Variants in PCYT1B observed in about 807,000 individuals in gnomAD.
The protein encoded by PCYT1B is choline-phosphate cytidylyltransferase B.
Under a neutral mutation model 26.4 loss-of-function variants are expected in PCYT1B, and 10 were observed. The ratio of observed to expected loss-of-function variants is 0.38; its 90% CI spans 0.23 to 0.64. The LOEUF is 0.64. Ranked by LOEUF, PCYT1B falls within the 30% of genes least tolerant of loss-of-function variation. The pLI is 0.56. For synonymous variants in PCYT1B, 131 were observed against 108.4 expected (o/e 1.21, Z -1.29); for missense variants, 161 against 292.7 (o/e 0.55, Z 3.28).
At chrX:24,661,186 T>C (rs956151584) in intron 1 of PCYT1B, among the ~76,000 whole-genome samples, 1 of 112,192 alleles carries the variant, frequency 8.9e-6, no homozygotes, top group African/African-American at 3.2e-5. Flanking sequence ...CATGAGTTCA[T>C]AATACTATCA....
rs780474525 is a variant in PCYT1B at position 24,655,425 on chromosome X, A to G, written c.63+17145T>C. Among the ~76,000 whole-genome samples, 14 of 112,400 alleles carry G rather than the reference A, an allele frequency of 1.2e-4. No homozygotes were observed. In the South Asian group the frequency reaches 5.1e-3, roughly 41 times the overall value. On this transcript the variant is annotated intron_variant, in intron 1 of 7. Coordinates refer to the PCYT1B transcript ENST00000379145. ...TACTTTTATTCATTCAGTTCATTTC[A>G]TATTTGTGCAACCGTGGATTTGGAC...
intron 5 of PCYT1B, among the ~76,000 whole-genome samples, chrX:24,583,689 C>T (rs142309697): frequency 8.9e-6 from 1 of 111,878 alleles, no homozygotes; most frequent in Non-Finnish European, 1.9e-5. Context: ...AAAACTGCCA[C>T]CAAATGCTTA....
At chrX:24,597,128 CTT>C (rs770072722) in intron 3 of PCYT1B, among the ~76,000 whole-genome samples, 5 of 101,178 alleles carry the variant, frequency 4.9e-5, no homozygotes, top group Admixed American at 1.1e-4. Context: ...TTTTTCTTTT[CTT>C]TTTTTTTTTT....
intron 1 of PCYT1B, among the ~76,000 whole-genome samples, chrX:24,664,272 C>G (rs979612744): frequency 2.3e-4 from 26 of 111,684 alleles, no homozygotes; most frequent in Admixed American, 7.6e-4. Context: ...CTTGATGAAC[C>G]TTTCCTGGGT....
At chrX:24,621,303 T>C (rs1925694365) in intron 1 of PCYT1B, among the ~76,000 whole-genome samples, 1 of 111,375 alleles carries the variant, frequency 9.0e-6, no homozygotes, top group African/African-American at 3.3e-5. Context: ...GGGCTATTCA[T>C]TTTGCAAGGC....
chrX:24,568,067 C>T (rs372554580), intron 7 of PCYT1B, among the ~76,000 whole-genome samples: 1 of 111,993 alleles, frequency 8.9e-6, no homozygotes, highest in African/African-American at 3.2e-5. Context: ...GTTTATCTGC[C>T]GAAAAGAAAT....
Position 24,559,663 on chromosome X carries a change from C to T in PCYT1B, c.*2630G>A, listed in dbSNP as rs913077983. 9.0e-6 allele frequency: 1 copy of T among 111,319 alleles called. No individual in the cohort carries two copies. Among genetic ancestry groups the T allele is most frequent in the East Asian group, 2.8e-4 (1 of 3,543 alleles). The allele number at this position is 111,319 out of a possible 1,213,427, so 9.2% of individuals were successfully genotyped here. A position where few individuals can be genotyped will look rare whatever the true frequency, so the allele number is the denominator to read the frequency against. On this transcript the variant is annotated 3_prime_UTR_variant, in exon 8 of 8. Transcript: ENST00000379144. ...ATCTCTTTCCTTGCTTTGTGTTATT[C>T]CTGCTTACCCCTCCAAGCTTGGGGC... is the stretch of plus-strand genomic sequence containing the variant.
intron 3 of PCYT1B, among the ~76,000 whole-genome samples, chrX:24,605,014 G>A (rs1925080265): frequency 9.0e-6 from 1 of 111,616 alleles, no homozygotes; most frequent in African/African-American, 3.3e-5. Context: ...ACTCAGGCAG[G>A]AAAAACTAGT....
At chrX:24,588,823 T>A (rs1383248921) in intron 4 of PCYT1B, among the ~76,000 whole-genome samples, 1 of 111,817 alleles carries the variant, frequency 8.9e-6, no homozygotes, top group Admixed American at 9.5e-5. Flanking sequence ...CAGTTGAGAA[T>A]CACTGGATTA....
intron 5 of PCYT1B, among the ~76,000 whole-genome samples, chrX:24,579,742 A>T (rs1195683071): frequency 9.0e-6 from 1 of 110,570 alleles, no homozygotes; most frequent in Non-Finnish European, 1.9e-5. Context: ...TGCCCTGGAT[A>T]CCCCCTCCCT....
intron 1 of PCYT1B, among the ~76,000 whole-genome samples, chrX:24,668,348 GCCCTTATCTCA>G (rs1569261451): frequency 8.9e-6 from 1 of 112,006 alleles, no homozygotes; most frequent in Non-Finnish European, 1.9e-5. Context: ...CAGACAGGAA[GCCCTTATCTCA>G]CCATGAAGAC....
At chrX:24,651,472 A>AAAAAAT (rs1555965467), upstream of PCYT1B, among the ~76,000 whole-genome samples, 38 of 26,035 alleles carry the variant, frequency 1.5e-3, no homozygotes, top group Non-Finnish European at 2.0e-3. Flanking sequence ...AAAAAAAAAA[A>AAAAAAT]ATATATATAT....
At chrX:24,619,769 C>T (rs763022237) in intron 1 of PCYT1B, among the ~76,000 whole-genome samples, 6 of 112,657 alleles carry the variant, frequency 5.3e-5, no homozygotes, top group South Asian at 7.3e-4. Context: ...GCTTCAACAG[C>T]GACTAGCGGC....
chrX:24,601,142 T>C (rs762597950), intron 3 of PCYT1B, among the ~76,000 whole-genome samples: 2 of 111,720 alleles, frequency 1.8e-5, no homozygotes, highest in African/African-American at 3.3e-5. Context: ...GTGGACTTTA[T>C]TAAAATTAAA....
At chrX:24,654,910 A>G (rs1002364708) in intron 1 of PCYT1B, among the ~76,000 whole-genome samples, 6 of 110,885 alleles carry the variant, frequency 5.4e-5, no homozygotes, top group Non-Finnish European at 1.1e-4. Context: ...GTTTTGAGCC[A>G]CTTTCCCAGT....
chrX:24,664,355 C>G (rs942432151), intron 1 of PCYT1B, among the ~76,000 whole-genome samples: 3 of 111,682 alleles, frequency 2.7e-5, no homozygotes, highest in Middle Eastern at 4.6e-3. Context: ...AGGAGAAATT[C>G]GAAATGTGAT....
At chrX:24,613,827 C>T (rs1363306917) in intron 2 of PCYT1B, among the ~76,000 whole-genome samples, 2 of 108,266 alleles carry the variant, frequency 1.8e-5, no homozygotes, top group Non-Finnish European at 1.9e-5. Flanking sequence ...GTGGCACATG[C>T]CTGTGGTCCA....
chrX:24,570,959 CA>C (rs1923804301), intron 7 of PCYT1B, among the ~76,000 whole-genome samples: 1 of 112,078 alleles, frequency 8.9e-6, no homozygotes, highest in Non-Finnish European at 1.9e-5. Context: ...GTGAAGGATA[CA>C]GACATGACCA....
intron 1 of PCYT1B, among the ~76,000 whole-genome samples, chrX:24,639,563 C>A (rs912675596): frequency 3.6e-5 from 4 of 111,509 alleles, no homozygotes; most frequent in Non-Finnish European, 7.5e-5. Flanking sequence ...CTACCCACAG[C>A]CTGGAGGCCT....
Sources: gnomAD v4.1 joint callset for allele counts (sites outside exome capture counted in the v4.1 genomes callset) on GRCh38, gnomAD v4.1.1 for gene constraint, MANE v1.5 for transcripts, NCBI Gene and HGNC (gene_info 2026-07-23, HGNC 2026-07-21) for gene names.